Variants in WNK2 observed in about 807,000 individuals in gnomAD.
WNK2 encodes WNK lysine deficient protein kinase 2, also known as serine/threonine-protein kinase WNK2.
In WNK2, 67 loss-of-function variants were observed where a neutral mutation model predicts 192.1. The observed-to-expected ratio is 0.35, with a 90% CI of 0.29 to 0.43. The LOEUF (loss-of-function observed/expected upper bound fraction) is 0.43, where lower values mean the gene tolerates loss of function less well. Among genes scored for constraint, WNK2 ranks in the 20% least tolerant of loss-of-function variants. The pLI, the probability that WNK2 is intolerant of heterozygous loss-of-function variation, is 1.00. For missense variants in WNK2, 2,698 were observed against 3,089.7 expected, an observed-to-expected ratio of 0.87 and a Z score of 3.01; for synonymous variants, 1,439 against 1,393.9, an observed-to-expected ratio of 1.03 and a Z score of -0.72.
At chr9:93,244,366 A>G (rs568677280) in intron 7 of WNK2, among the ~76,000 whole-genome samples, 1 of 152,278 alleles carries the variant, frequency 6.6e-6, no homozygotes, top group South Asian at 2.1e-4. Flanking sequence ...TCGACCCCCA[A>G]GGGGATTCCC....
intron 7 of WNK2, among the ~76,000 whole-genome samples, chr9:93,241,294 C>T (rs1456327612): frequency 6.6e-6 from 1 of 152,190 alleles, no homozygotes; most frequent in Non-Finnish European, 1.5e-5. Context: ...CCAGTGGGAA[C>T]GAGAGGCTAG....
Position 93,229,392 on chromosome 9 carries a change from G to C in WNK2, c.682-304G>C, listed in dbSNP as rs1838352302. Among the ~76,000 whole-genome samples, 1 of 152,196 alleles carries C rather than the reference G, an allele frequency of 6.6e-6. No homozygotes were observed. Among genetic ancestry groups the C allele is most frequent in the South Asian group, 2.1e-4 (1 of 4,828 alleles). Reference sequence around the variant, plus strand: ...GTGAGTGATTGTGGAGGAGGCAAAGGCCTCAGAGGTGTATTTTTGGAAAAA... The same window carrying C: ...GTGAGTGATTGTGGAGGAGGCAAAGCCCTCAGAGGTGTATTTTTGGAAAAA... On this transcript the variant is annotated intron_variant, in intron 2 of 29. Transcript: ENST00000427277. This position sits in a 1 kb window ranked among gnomAD's most constrained non-coding sequence, Gnocchi z 4.9.
At chr9:93,312,415 G>A (rs540070670) in intron 28 of WNK2, among the ~76,000 whole-genome samples, 3 of 151,772 alleles carry the variant, frequency 2.0e-5, no homozygotes, top group South Asian at 2.1e-4. Flanking sequence ...TCACTCTGTC[G>A]CCAGGCTGGA....
At chr9:93,318,778 C>A in intron 29 of WNK2, 2 of 1,413,770 alleles carry the variant, frequency 1.4e-6, no homozygotes, top group Non-Finnish European at 1.8e-6. Flanking sequence ...TCATTCTTCT[C>A]CTGGAGATTT....
intron 2 of WNK2, among the ~76,000 whole-genome samples, chr9:93,228,943 A>G (rs527417465): frequency 6.6e-6 from 1 of 151,942 alleles, no homozygotes; most frequent in African/African-American, 2.4e-5. Flanking sequence ...GCCAGTGCTG[A>G]GTGGTGTTTG....
At chr9:93,316,732 C>G (rs1283225365) in intron 28 of WNK2, 1 of 152,508 alleles carries the variant, frequency 6.6e-6, no homozygotes, top group Non-Finnish European at 1.5e-5. Flanking sequence ...GTGCGGTTGA[C>G]TCCTTTTCCT....
chr9:93,256,270 G>A (rs1424109589), intron 9 of WNK2, 29 bp from the exon 10 acceptor site: 10 of 1,483,792 alleles, frequency 6.7e-6, no homozygotes, highest in African/African-American at 1.4e-5. Flanking sequence ...GAGAGCTGCT[G>A]CTGAGTGTGG....
At position 93,247,432 on chromosome 9, in the gene WNK2, G is replaced by T; in HGVS notation, c.1543-111G>T. 1 of 1,255,074 alleles carries T rather than the reference G, an allele frequency of 8.0e-7. No homozygotes were observed. The highest frequency in any genetic ancestry group is 1.1e-6 in the Non-Finnish European group (1 of 894,498). The allele number at this position is 1,255,074 out of a possible 1,614,324, so 77.7% of individuals were successfully genotyped here. A position where few individuals can be genotyped will look rare whatever the true frequency, so the allele number is the denominator to read the frequency against. On this transcript the variant is annotated intron_variant, in intron 7 of 29. Coordinates refer to ENST00000427277, the MANE Select transcript of WNK2 (RefSeq NM_006648.4). The surrounding 1 kb of genome is among the most constrained non-coding windows in gnomAD (Gnocchi z 5.2). ...TTTTACATTCAGTGGCAGTGGGATG[G>T]CGAGCGTGTCCTGCGTGGATGAGCC...
Position 93,239,116 on chromosome 9 carries a change from G to A in WNK2, c.1323-641G>A, listed in dbSNP as rs1840305446. ...AGGCTTCTTTGGGTGGCCAAGCCCT[G>A]CAGAGCCCCGAAGTGGTCACCATGG... On this transcript the variant is annotated intron_variant, in intron 6 of 29. Coordinates refer to ENST00000427277, the MANE Select transcript of WNK2 (RefSeq NM_006648.4). This position sits in a 1 kb window ranked among gnomAD's most constrained non-coding sequence, Gnocchi z 4.2. Among the ~76,000 whole-genome samples the A allele has an allele frequency of 6.6e-6, 1 of 152,224 alleles. No homozygotes were observed. The highest frequency in any genetic ancestry group is 2.1e-4 in the South Asian group (1 of 4,838).
Position 93,185,342 on chromosome 9 carries a change from C to A in WNK2, c.413C>A (p.Ala138Asp). 1 of 1,543,538 alleles carries A rather than the reference C, an allele frequency of 6.5e-7. No homozygotes were observed. Among genetic ancestry groups the A allele is most frequent in the Non-Finnish European group, 8.7e-7 (1 of 1,148,124 alleles). The change falls in exon 2 of 30, where the codon GCC (alanine) becomes GAC (aspartate). Residue 138 changes from alanine to aspartate, a missense_variant. Ala to Asp is a moderately radical substitution (Grantham distance 126, BLOSUM62 -2). Coordinates refer to ENST00000427277, the MANE Select transcript of WNK2 (RefSeq NM_006648.4). Reference sequence around the variant, plus strand: ...GCAGCCGCTGTCGAAACCGCGCCTGCCCCCGACGGCGGCCCCAGGGAGGAG... The same window carrying A: ...GCAGCCGCTGTCGAAACCGCGCCTGACCCCGACGGCGGCCCCAGGGAGGAG... ...PIAAAVETAPAPDGGPREEAA... is the reference protein window; with the variant it reads ...PIAAAVETAPDPDGGPREEAA...
intron 8 of WNK2, among the ~76,000 whole-genome samples, chr9:93,250,240 C>T (rs10821098): frequency 0.39 from 58,743 of 152,072 alleles, 13,505 homozygotes; most frequent in Admixed American, 0.51. Context: ...TGAACACCTG[C>T]ACACAGACAT....
intron 2 of WNK2, among the ~76,000 whole-genome samples, chr9:93,222,784 G>A (rs1014695378): frequency 6.6e-6 from 1 of 152,076 alleles, no homozygotes; most frequent in Non-Finnish European, 1.5e-5. Flanking sequence ...CCGGGTTCAA[G>A]CGATTCTCCT....
intron 7 of WNK2, among the ~76,000 whole-genome samples, chr9:93,242,971 G>A (rs191974043): frequency 7.9e-5 from 12 of 152,184 alleles, no homozygotes; most frequent in Non-Finnish European, 1.6e-4. Flanking sequence ...GTGCTGGGGG[G>A]ACAGGGTACG....
intron 16 of WNK2, 94 bp downstream of exon 16, chr9:93,264,127 T>C (rs1453654904): frequency 2.1e-6 from 2 of 961,600 alleles, no homozygotes; most frequent in Non-Finnish European, 3.2e-6. Flanking sequence ...AGCCTGGCCT[T>C]GTGTGGAGGT....
chr9:93,282,836 A>G (rs1002485674), intron 19 of WNK2, among the ~76,000 whole-genome samples: 1 of 152,232 alleles, frequency 6.6e-6, no homozygotes, highest in Non-Finnish European at 1.5e-5. Context: ...TGTACTCAGT[A>G]GCTGAAGAAT....
intron 28 of WNK2, among the ~76,000 whole-genome samples, chr9:93,310,763 C>A (rs1220280399): frequency 1.3e-5 from 2 of 152,096 alleles, no homozygotes; most frequent in African/African-American, 4.8e-5. Context: ...TCATTTGATA[C>A]AATGTTTTCA....
intron 29 of WNK2, chr9:93,319,165 G>C: frequency 1.2e-6 from 2 of 1,614,042 alleles, no homozygotes; most frequent in South Asian, 1.1e-5. Context: ...ATCCCCAATA[G>C]ATTGTATATC....
chr9:93,212,359 G>C (rs1834945553), intron 2 of WNK2, among the ~76,000 whole-genome samples: 2 of 152,232 alleles, frequency 1.3e-5, no homozygotes, highest in African/African-American at 2.4e-5. Flanking sequence ...TGGAGTCACA[G>C]TGTGTGGCCC....
intron 26 of WNK2, chr9:93,306,505 T>C: frequency 2.3e-6 from 1 of 440,118 alleles, no homozygotes; most frequent in East Asian, 3.5e-5. Flanking sequence ...TTTACTTTTC[T>C]TAGAATATGC....
Sources: gnomAD v4.1 joint callset for allele counts (sites outside exome capture counted in the v4.1 genomes callset) on GRCh38, gnomAD v4.1.1 for gene constraint, Gnocchi (gnomAD v3.1) non-coding constraint, MANE v1.5 for transcripts, NCBI Gene and HGNC (gene_info 2026-07-23, HGNC 2026-07-21) for gene names.